Variants in DZIP1L observed in about 807,000 individuals in gnomAD.
DZIP1L encodes the protein cilium assembly protein DZIP1L.
In DZIP1L, 90 loss-of-function variants were observed where a neutral mutation model predicts 88.7. That is an observed-to-expected ratio of 1.02 (90% confidence interval 0.86 to 1.21). The LOEUF (loss-of-function observed/expected upper bound fraction) is 1.21. Among genes scored for constraint, DZIP1L ranks in the 50% most tolerant of loss-of-function variants. DZIP1L has a pLI of 0.00. For synonymous variants in DZIP1L, 363 were observed against 372.1 expected, an observed-to-expected ratio of 0.98 and a Z score of 0.28; for missense variants, 932 against 955.8, an observed-to-expected ratio of 0.98 and a Z score of 0.33.
intron 2 of DZIP1L, among the ~76,000 whole-genome samples, chr3:138,099,768 T>C (rs1944641220): frequency 6.6e-6 from 1 of 152,172 alleles, no homozygotes; most frequent in Admixed American, 6.5e-5. Flanking sequence ...CAATGAGCTC[T>C]GGACAGGCCA....
chr3:138,086,996 C>T lies in DZIP1L; in HGVS notation c.1027G>A (p.Glu343Lys), dbSNP rs1943972428. 2.5e-6 allele frequency: 4 copies of T among 1,614,072 alleles called. No individual in the cohort carries two copies. Among genetic ancestry groups the T allele is most frequent in the African/African-American group, 1.3e-5 (1 of 75,028 alleles). ...TCAGCCATGTGCTCTTCATGCAGTTCCTTCACTTTTCTTTTCCACTCCGTT... is the reference window on the plus strand; with the variant it reads ...TCAGCCATGTGCTCTTCATGCAGTTTCTTCACTTTTCTTTTCCACTCCGTT... Reference protein sequence around the residue: ...QKTEWKRKVKELHEEHMAEKK... With the variant: ...QKTEWKRKVKKLHEEHMAEKK... The change falls in exon 7 of 16, where the codon GAA (glutamate) becomes AAA (lysine). Residue 343 changes from glutamate to lysine, a missense_variant. Coordinates refer to ENST00000327532, the MANE Select transcript of DZIP1L (RefSeq NM_173543.3).
At chr3:138,110,626 CA>C in intron 1 of DZIP1L, among the ~76,000 whole-genome samples, 1 of 152,260 alleles carries the variant, frequency 6.6e-6, no homozygotes, top group East Asian at 1.9e-4. Flanking sequence ...ATCCCATCAA[CA>C]AATGATTCCT....
chr3:138,068,519 A>C, intron 12 of DZIP1L, 152 bp from the exon 13 acceptor site: 1 of 534,046 alleles, frequency 1.9e-6, no homozygotes, highest in Non-Finnish European at 3.0e-6. Context: ...ACTGTTGCCA[A>C]ATCAGGTGTT....
intron 1 of DZIP1L, chr3:138,108,258 T>C: frequency 1.0e-6 from 1 of 985,278 alleles, no homozygotes; most frequent in Non-Finnish European, 1.2e-6. Flanking sequence ...CAACAAGCTG[T>C]GCCTCGGAGC....
At chr3:138,081,701 G>A (rs1559837348) in intron 9 of DZIP1L, 33 bp downstream of exon 9, 1 of 1,600,004 alleles carries the variant, frequency 6.2e-7, no homozygotes, top group Non-Finnish European at 8.5e-7. Context: ...CAATAGTCAA[G>A]ACTGCTACAC....
intron 2 of DZIP1L, chr3:138,101,674 G>C: frequency 1.3e-6 from 1 of 799,388 alleles, no homozygotes; most frequent in Non-Finnish European, 2.2e-6. Context: ...CAGACCACCT[G>C]CATAGCCGCT....
intron 10 of DZIP1L, 72 bp from the exon 11 acceptor site, chr3:138,077,704 T>C (rs1375928422): frequency 1.3e-6 from 2 of 1,577,634 alleles, no homozygotes. Flanking sequence ...CTACTGCACC[T>C]GCCGAGCCCT....
intron 1 of DZIP1L, among the ~76,000 whole-genome samples, chr3:138,114,974 CTT>C (rs1265448268): frequency 6.6e-6 from 1 of 152,194 alleles, no homozygotes; most frequent in East Asian, 1.9e-4. Context: ...TCCCAAATCA[CTT>C]TTCTTTTTTC....
rs1167627518 is a variant in DZIP1L, at chr3:138,066,970, G to A, written c.2002+561C>T. On this transcript the variant is annotated intron_variant, in intron 14 of 15. Coordinates refer to ENST00000327532, the MANE Select transcript of DZIP1L (RefSeq NM_173543.3). ...GCTGGGGTTGGAGCCTGGCTGGAGTGTACCCTACAGCTGCCTGTTTAAGGG... is the reference window on the plus strand; with the variant it reads ...GCTGGGGTTGGAGCCTGGCTGGAGTATACCCTACAGCTGCCTGTTTAAGGG... Among the ~76,000 whole-genome samples, 4 of 152,152 alleles carry A rather than the reference G, an allele frequency of 2.6e-5. No individual in the cohort carries two copies. In the East Asian group the frequency reaches 7.7e-4, roughly 29 times the overall value.
chr3:138,080,696 C>A, intron 9 of DZIP1L, 76 bp from the exon 10 acceptor site: 2 of 1,510,180 alleles, frequency 1.3e-6, no homozygotes, highest in Admixed American at 1.8e-5. Context: ...TACAGAACCC[C>A]AGCTGAGTAT....
intron 7 of DZIP1L, among the ~76,000 whole-genome samples, chr3:138,085,377 T>C (rs1373932563): frequency 4.6e-5 from 7 of 152,068 alleles, no homozygotes; most frequent in Admixed American, 1.3e-4. Context: ...GGCTAATATC[T>C]GGAATCTACA....
At chr3:138,066,356 G>C (rs913651484) in intron 14 of DZIP1L, among the ~76,000 whole-genome samples, 3 of 152,144 alleles carry the variant, frequency 2.0e-5, no homozygotes, top group Non-Finnish European at 2.9e-5. Flanking sequence ...TGGTGCTAAT[G>C]AACTCAAACA....
chr3:138,071,724 G>A lies in DZIP1L; in HGVS notation c.1534C>T (p.Leu512Phe), dbSNP rs529011516. 3 of 1,614,210 alleles carry A rather than the reference G, an allele frequency of 1.9e-6. No individual in the cohort carries two copies. The South Asian group carries it at 3.3e-5, about 18-fold the overall frequency. Reference protein sequence around the residue: ...FSEFLSLRGKLVKEVTSRAKE... With the variant: ...FSEFLSLRGKFVKEVTSRAKE... Reference sequence around the variant, plus strand: ...GCTCTGCTGGTGACTTCCTTGACAAGCTTTCCCCTCAGACTCAGAAATTCA... The same window carrying A: ...GCTCTGCTGGTGACTTCCTTGACAAACTTTCCCCTCAGACTCAGAAATTCA... Residue 512 changes from leucine to phenylalanine, a missense_variant, in exon 12 of 16, where the codon CTT (leucine) becomes TTT (phenylalanine). Coordinates refer to ENST00000327532, the MANE Select transcript of DZIP1L (RefSeq NM_173543.3).
intron 1 of DZIP1L, among the ~76,000 whole-genome samples, chr3:138,110,475 A>AAAAT (rs949522878): frequency 6.6e-6 from 1 of 152,136 alleles, no homozygotes; most frequent in Non-Finnish European, 1.5e-5. Context: ...TTCCCACAAT[A>AAAAT]AAATAAATAA....
chr3:138,080,333 G>A (rs1943590319), intron 10 of DZIP1L: 1 of 409,308 alleles, frequency 2.4e-6, no homozygotes, highest in African/African-American at 2.0e-5. Context: ...ACAAGCTAAT[G>A]ACCCTCTCTA....
rs577539161 is a variant in DZIP1L, at chr3:138,106,200, G to A, written c.-81-2148C>T. Among the ~76,000 whole-genome samples, 7 of 132,638 alleles carry A rather than the reference G, an allele frequency of 5.3e-5. No homozygotes were observed. The South Asian group carries it at 1.3e-3, about 25-fold the overall frequency. The allele number at this position is 132,638 out of a possible 152,430, so 87.0% of individuals were successfully genotyped here. On this transcript the variant is annotated intron_variant, in intron 1 of 15. Transcript: ENST00000327532. ...GTCGCCCAGGCTGAAATACAATGGCGCGATCTCGGCTTACTGCAACCTCCA... is the reference window on the plus strand; with the variant it reads ...GTCGCCCAGGCTGAAATACAATGGCACGATCTCGGCTTACTGCAACCTCCA...
intron 14 of DZIP1L, among the ~76,000 whole-genome samples, chr3:138,065,878 T>G (rs909146623): frequency 3.3e-5 from 5 of 152,236 alleles, no homozygotes; most frequent in African/African-American, 1.2e-4. Context: ...CTTGAAAGAA[T>G]GGGAGTAGAC....
At position 138,097,771 on chromosome 3, in the gene DZIP1L, G is replaced by A; in HGVS notation, c.578C>T (p.Ala193Val). 1 of 1,611,248 alleles carries A rather than the reference G, an allele frequency of 6.2e-7. No individual in the cohort carries two copies. Among genetic ancestry groups the A allele is most frequent in the Non-Finnish European group, 8.5e-7 (1 of 1,178,874 alleles). ...GHIQRRHAGV[A>V]EGGKQKKQEQ... Reference sequence around the variant, plus strand: ...CTGCTGTCTGGACTCACCACCTTCTGCCACGCCTGCATGCCTGCGCTGGAT... The same window carrying A: ...CTGCTGTCTGGACTCACCACCTTCTACCACGCCTGCATGCCTGCGCTGGAT... Residue 193 changes from alanine to valine, a missense_variant, in exon 3 of 16, where the codon GCA (alanine) becomes GTA (valine). Ala to Val is a moderately conservative substitution (Grantham distance 64, BLOSUM62 0). Coordinates refer to ENST00000327532, the MANE Select transcript of DZIP1L (RefSeq NM_173543.3).
intron 5 of DZIP1L, 87 bp downstream of exon 5, chr3:138,092,296 T>C: frequency 7.3e-7 from 1 of 1,377,292 alleles, no homozygotes; most frequent in Non-Finnish European, 9.5e-7. Context: ...CAACAGCAGA[T>C]GAAATAAAAC....
Sources: gnomAD v4.1 joint callset for allele counts (sites outside exome capture counted in the v4.1 genomes callset) on GRCh38, gnomAD v4.1.1 for gene constraint, MANE v1.5 for transcripts, NCBI Gene and HGNC (gene_info 2026-07-23, HGNC 2026-07-21) for gene names.